The following TSEN15 variants were observed in gnomAD, a reference collection of about 807,000 sequenced individuals.
TSEN15 encodes tRNA splicing endonuclease subunit 15.
In TSEN15, 10 loss-of-function variants were observed where a neutral mutation model predicts 20.5. The ratio of observed to expected loss-of-function variants is 0.49; its 90% CI spans 0.30 to 0.83. TSEN15 has a LOEUF of 0.83. TSEN15 is among the 40% of genes least tolerant of loss of function. TSEN15 has a pLI of 0.06. For missense variants in TSEN15, 180 were observed against 218.6 expected, an observed-to-expected ratio of 0.82 and a Z score of 1.11; for synonymous variants, 72 against 80.1, an observed-to-expected ratio of 0.90 and a Z score of 0.54.
intron 3 of TSEN15, among the ~76,000 whole-genome samples, chr1:184,056,521 G>A (rs1448282370): frequency 6.6e-6 from 1 of 151,970 alleles, no homozygotes; most frequent in Non-Finnish European, 1.5e-5. Context: ...CTTTCAATGA[G>A]TAACAGTTCT....
At chr1:184,096,492 T>C (rs1651454785) in exon 4 of TSEN15, 1 of 152,184 alleles carries the variant, frequency 6.6e-6, no homozygotes. Flanking sequence ...CTAATGATTG[T>C]TCCATCACTT....
intron 3 of TSEN15, chr1:184,095,100 T>C (rs1433103434): frequency 1.5e-5 from 6 of 398,578 alleles, no homozygotes; most frequent in South Asian, 1.3e-4. Flanking sequence ...ACGGTGACTG[T>C]CTTTTTGTCT....
chr1:184,087,311 A>G (rs899392400), intron 3 of TSEN15, among the ~76,000 whole-genome samples: 2 of 152,090 alleles, frequency 1.3e-5, no homozygotes, highest in African/African-American at 4.8e-5. Flanking sequence ...TTTTCTTTTT[A>G]CTATCTCTTT....
At position 184,074,134 on chromosome 1, in the gene TSEN15, G is replaced by A. The variant is rs1455338903; in HGVS notation, c.*1287G>A. 1 of 152,122 alleles carries A rather than the reference G, an allele frequency of 6.6e-6. No individual in the cohort carries two copies. The highest frequency in any genetic ancestry group is 1.5e-5 in the Non-Finnish European group (1 of 68,018). The allele number at this position is 152,122 out of a possible 1,614,324, so 9.4% of individuals were successfully genotyped here. ...ATTACTAACTGGTTATAGTGGGATA[G>A]GAGGCAGAAAATGGATGACTTTGTC... On this transcript the variant is annotated 3_prime_UTR_variant, in exon 5 of 5. Transcript: ENST00000645668.
Position 184,072,987 on chromosome 1 carries a change from G to A in TSEN15, c.*140G>A. 1.3e-6 allele frequency: 1 copy of A among 799,634 alleles called. No individual in the cohort carries two copies. Among genetic ancestry groups the A allele is most frequent in the East Asian group, 2.8e-5 (1 of 36,274 alleles). The allele number at this position is 799,634 out of a possible 1,614,324, so 49.5% of individuals were successfully genotyped here. On this transcript the variant is annotated 3_prime_UTR_variant, in exon 5 of 5. Coordinates refer to ENST00000645668, the MANE Select transcript of TSEN15 (RefSeq NM_052965.4). Reference sequence around the variant, plus strand: ...CCCCATTCCATAAGGTTTTCATTCTGAAGAGTAAAACTTCCCCAGGTAGAA... The same window carrying A: ...CCCCATTCCATAAGGTTTTCATTCTAAAGAGTAAAACTTCCCCAGGTAGAA...
At chr1:184,058,950 C>T (rs1650347346) in intron 3 of TSEN15, among the ~76,000 whole-genome samples, 1 of 151,200 alleles carries the variant, frequency 6.6e-6, no homozygotes, top group African/African-American at 2.4e-5. Context: ...GATCTAGGTG[C>T]TGGGGATACC....
At chr1:184,051,941 A>G (rs1281488519) in intron 1 of TSEN15, 51 bp downstream of exon 1, 19 of 1,453,200 alleles carry the variant, frequency 1.3e-5, no homozygotes, top group Non-Finnish European at 1.7e-5. Flanking sequence ...TAACCCAGGC[A>G]GAACACTCCC....
At chr1:184,082,508 G>C (rs1206392506) in intron 3 of TSEN15, among the ~76,000 whole-genome samples, 1 of 152,066 alleles carries the variant, frequency 6.6e-6, no homozygotes, top group African/African-American at 2.4e-5. Flanking sequence ...GCAGCAGTAG[G>C]GGGTATAGGG....
In TSEN15 at chr1:184,082,368, T is replaced by C. The variant is rs56060028; in HGVS notation, c.354-13322T>C. Among the ~76,000 whole-genome samples, 1,332 of 152,218 alleles carry C rather than the reference T, an allele frequency of 8.8e-3. 25 individuals are homozygous for C. Among genetic ancestry groups the C allele is most frequent in the African/African-American group, 0.031 (1,278 of 41,520 alleles). The stretch of plus-strand genomic sequence containing the variant: ...ACATGTTGGGGAACTTTCAGGCTGT[T>C]TTGGGTCCTCTCCATCTAGATACAC... On this transcript the variant is annotated intron_variant, in intron 3 of 3. Transcript: ENST00000643231.
At chr1:184,095,314 T>C (rs1320733481) in intron 3 of TSEN15, 1 of 391,914 alleles carries the variant, frequency 2.6e-6, no homozygotes, top group African/African-American at 2.1e-5. Context: ...TAACAACTTA[T>C]TGTTGGTGGT....
chr1:184,078,123 C>G (rs1651099032), downstream of TSEN15, among the ~76,000 whole-genome samples: 1 of 152,030 alleles, frequency 6.6e-6, no homozygotes, highest in Admixed American at 6.6e-5. Context: ...TAAGACTTTG[C>G]CACAGCCACC....
chr1:184,071,631 C>T (rs192643884), intron 3 of TSEN15, among the ~76,000 whole-genome samples: 10 of 150,570 alleles, frequency 6.6e-5, no homozygotes, highest in African/African-American at 2.4e-4. Flanking sequence ...ACTCAAGAAA[C>T]TATAGTAAAA....
chr1:184,078,316 G>C (rs1651102415), downstream of TSEN15, among the ~76,000 whole-genome samples: 1 of 152,106 alleles, frequency 6.6e-6, no homozygotes, highest in South Asian at 2.1e-4. Context: ...TATACTACAT[G>C]TTCGTGTAAA....
At chr1:184,067,037 T>C (rs1261604826) in intron 3 of TSEN15, among the ~76,000 whole-genome samples, 1 of 152,212 alleles carries the variant, frequency 6.6e-6, no homozygotes, top group African/African-American at 2.4e-5. Context: ...ATGTAAATGG[T>C]GTTTTGTTTT....
intron 3 of TSEN15, among the ~76,000 whole-genome samples, chr1:184,092,712 A>G (rs1355485389): frequency 6.6e-6 from 1 of 152,222 alleles, no homozygotes; most frequent in African/African-American, 2.4e-5. Context: ...AGGCCAGCCC[A>G]TGACTTTCCT....
chr1:184,055,369 A>G (rs1391523339), intron 3 of TSEN15, among the ~76,000 whole-genome samples: 3 of 152,204 alleles, frequency 2.0e-5, no homozygotes, highest in Non-Finnish European at 4.4e-5. Context: ...CCCCACCTCC[A>G]ACATTGGGGA....
chr1:184,060,791 C>T (rs1350686584), intron 3 of TSEN15, among the ~76,000 whole-genome samples: 2 of 151,962 alleles, frequency 1.3e-5, no homozygotes, highest in Admixed American at 6.6e-5. Flanking sequence ...CAGTTAGCCT[C>T]ACAGCTATTA....
intron 3 of TSEN15, chr1:184,070,528 G>T (rs577188534): frequency 9.3e-5 from 46 of 497,244 alleles, no homozygotes; most frequent in African/African-American, 8.7e-4. Context: ...TCCATTGTCT[G>T]TTTCTTCTTT....
At chr1:184,069,294 T>C (rs1423359650) in intron 3 of TSEN15, among the ~76,000 whole-genome samples, 1 of 152,200 alleles carries the variant, frequency 6.6e-6, no homozygotes, top group Non-Finnish European at 1.5e-5. Context: ...ATTTTTCCCT[T>C]TAGATATAAC....
Sources: gnomAD v4.1 joint callset for allele counts (sites outside exome capture counted in the v4.1 genomes callset) on GRCh38, gnomAD v4.1.1 for gene constraint, MANE v1.5 for transcripts, NCBI Gene and HGNC (gene_info 2026-07-23, HGNC 2026-07-21) for gene names.